The following SGCZ variants were observed in gnomAD, a reference collection of about 807,000 sequenced individuals.
SGCZ encodes the protein zeta-sarcoglycan.
Under a neutral mutation model 41.3 loss-of-function variants are expected in SGCZ, and 40 were observed. The ratio of observed to expected loss-of-function variants is 0.97; its 90% confidence interval spans 0.75 to 1.26. The LOEUF is 1.26. SGCZ is among the 50% of genes most tolerant of loss of function. The pLI, the probability that SGCZ is intolerant of heterozygous loss-of-function variation, is 0.00. For synonymous variants in SGCZ, 206 were observed against 137.5 expected, an observed-to-expected ratio of 1.50 and a Z score of -3.49; for missense variants, 552 against 369.8, an observed-to-expected ratio of 1.49 and a Z score of -4.04.
chr8:14,821,231 C>T (rs1272721599), intron 1 of SGCZ, among the ~76,000 whole-genome samples: 2 of 151,944 alleles, frequency 1.3e-5, no homozygotes, highest in Non-Finnish European at 2.9e-5. Context: ...GAATCAGTTA[C>T]ATTCCTAGAC....
intron 2 of SGCZ, among the ~76,000 whole-genome samples, chr8:14,520,164 A>G (rs10091251): frequency 0.042 from 6,333 of 152,184 alleles, 357 homozygotes; most frequent in African/African-American, 0.13. Context: ...GCAAGTTGCA[A>G]TTTGGTTCAC....
At chr8:15,074,038 C>T (rs370769151) in intron 1 of SGCZ, among the ~76,000 whole-genome samples, 227 of 152,174 alleles carry the variant, frequency 1.5e-3, no homozygotes, top group African/African-American at 5.2e-3. Context: ...ATAGGGTGTA[C>T]ACAAAAGTAA....
chr8:14,177,889 C>G (rs551875995), intron 4 of SGCZ, among the ~76,000 whole-genome samples: 9 of 150,240 alleles, frequency 6.0e-5, no homozygotes, highest in African/African-American at 2.2e-4. Flanking sequence ...AGATAAAACT[C>G]AATGTTACTG....
intron 2 of SGCZ, among the ~76,000 whole-genome samples, chr8:14,530,611 A>C (rs529604939): frequency 1.3e-5 from 2 of 152,108 alleles, no homozygotes; most frequent in Non-Finnish European, 2.9e-5. Flanking sequence ...TTCACTACTG[A>C]ATATTTTAAA....
intron 1 of SGCZ, among the ~76,000 whole-genome samples, chr8:14,682,780 T>C (rs754329199): frequency 6.6e-6 from 1 of 152,212 alleles, no homozygotes; most frequent in Non-Finnish European, 1.5e-5. Context: ...CAGAATACTT[T>C]ACCTTAAACA....
chr8:14,958,796 G>A (rs984112051), intron 1 of SGCZ, among the ~76,000 whole-genome samples: 1 of 152,006 alleles, frequency 6.6e-6, no homozygotes, highest in Non-Finnish European at 1.5e-5. Context: ...ACACACAGAT[G>A]TCTGCAACTT....
At chr8:14,492,168 G>A (rs1248286663) in intron 2 of SGCZ, among the ~76,000 whole-genome samples, 1 of 152,134 alleles carries the variant, frequency 6.6e-6, no homozygotes, top group Non-Finnish European at 1.5e-5. Context: ...GATTTATGAT[G>A]AAATTGTGTT....
At chr8:14,705,510 C>G (rs962905225) in intron 1 of SGCZ, among the ~76,000 whole-genome samples, 2 of 151,940 alleles carry the variant, frequency 1.3e-5, no homozygotes, top group Admixed American at 1.3e-4. Flanking sequence ...TACTGCATTG[C>G]AAACCTTGTC....
intron 1 of SGCZ, among the ~76,000 whole-genome samples, chr8:15,085,231 C>A (rs973220091): frequency 2.6e-5 from 4 of 152,148 alleles, no homozygotes. Flanking sequence ...TTAATTTTAA[C>A]ATCCTTAACT....
intron 1 of SGCZ, among the ~76,000 whole-genome samples, chr8:14,622,928 C>T (rs1450660523): frequency 6.6e-6 from 1 of 152,284 alleles, no homozygotes; most frequent in Non-Finnish European, 1.5e-5. Context: ...TAAAGCTCCT[C>T]CTTTGTTCAA....
At chr8:14,179,760 C>A (rs1157400686) in intron 4 of SGCZ, among the ~76,000 whole-genome samples, 2 of 152,138 alleles carry the variant, frequency 1.3e-5, no homozygotes, top group African/African-American at 4.8e-5. Context: ...CACACAGCAG[C>A]CTGTTCCCCA....
At chr8:14,183,663 C>T (rs562562246) in intron 4 of SGCZ, among the ~76,000 whole-genome samples, 2 of 152,226 alleles carry the variant, frequency 1.3e-5, no homozygotes, top group South Asian at 2.1e-4. Context: ...ATGAGAAAAG[C>T]GTTTACCAAG....
intron 1 of SGCZ, among the ~76,000 whole-genome samples, chr8:14,766,207 G>A (rs112236884): frequency 0.046 from 7,070 of 152,148 alleles, 241 homozygotes; most frequent in Non-Finnish European, 0.071. Context: ...TGATCCGCCC[G>A]CCTCGACTTC....
intron 2 of SGCZ, among the ~76,000 whole-genome samples, chr8:14,492,988 C>A (rs1480203608): frequency 6.6e-6 from 1 of 152,040 alleles, no homozygotes; most frequent in Admixed American, 6.6e-5. Context: ...GGGATCTAAC[C>A]CCCCAACTCT....
At chr8:14,479,164 C>G (rs1563356135) in intron 2 of SGCZ, among the ~76,000 whole-genome samples, 1 of 152,118 alleles carries the variant, frequency 6.6e-6, no homozygotes, top group Admixed American at 6.5e-5. Context: ...AGTCCGAGTC[C>G]CAAAACCTCA....
At chr8:14,963,432 G>A (rs1345666100) in intron 1 of SGCZ, among the ~76,000 whole-genome samples, 2 of 151,524 alleles carry the variant, frequency 1.3e-5, no homozygotes, top group African/African-American at 2.4e-5. Flanking sequence ...TGCGCCTCCC[G>A]GGTTCAAGTG....
At chr8:14,593,054 G>C (rs1040421656) in intron 1 of SGCZ, among the ~76,000 whole-genome samples, 2 of 152,070 alleles carry the variant, frequency 1.3e-5, no homozygotes, top group African/African-American at 4.8e-5. Context: ...AACCACACCT[G>C]CCCTGGTGTG....
intron 3 of SGCZ, among the ~76,000 whole-genome samples, chr8:14,255,851 C>T (rs1225975518): frequency 2.0e-5 from 3 of 151,942 alleles, no homozygotes; most frequent in Non-Finnish European, 4.4e-5. Context: ...GTATTTCCAT[C>T]AAAAACCCTA....
chr8:14,496,110 G>C (rs1004564887), intron 2 of SGCZ, among the ~76,000 whole-genome samples: 29 of 145,220 alleles, frequency 2.0e-4, no homozygotes, highest in African/African-American at 7.4e-4. Context: ...CTGTCACCCA[G>C]GCTATAGTGC....
Sources: allele counts gnomAD v4.1 joint callset (sites outside exome capture counted in the v4.1 genomes callset), GRCh38; gene constraint gnomAD v4.1.1; transcripts MANE v1.5; gene names NCBI Gene and HGNC (gene_info 2026-07-23, HGNC 2026-07-21).